Variants in TTLL11 observed in about 807,000 individuals in gnomAD.
TTLL11 encodes tubulin tyrosine ligase like 11, also known as tubulin polyglutamylase TTLL11.
TTLL11 carries 42 observed loss-of-function variants against 51.7 expected under a neutral mutation model. The ratio of observed to expected loss-of-function variants is 0.81; its 90% CI spans 0.64 to 1.05. The LOEUF is 1.05. TTLL11 is among the 50% of genes least tolerant of loss of function. The pLI, the probability that TTLL11 is intolerant of heterozygous loss-of-function variation, is 0.00. For missense variants in TTLL11, 799 were observed against 940.4 expected, an observed-to-expected ratio of 0.85 and a Z score of 1.97; for synonymous variants, 381 against 383.5, an observed-to-expected ratio of 0.99 and a Z score of 0.08.
chr9:121,959,284 G>C (rs776172327), intron 6 of TTLL11, among the ~76,000 whole-genome samples: 2 of 152,038 alleles, frequency 1.3e-5, no homozygotes, highest in Non-Finnish European at 1.5e-5. Context: ...TGTCTAATCC[G>C]CACATGGGGA....
intron 6 of TTLL11, among the ~76,000 whole-genome samples, chr9:121,923,507 C>G (rs1840613694): frequency 6.6e-6 from 1 of 152,092 alleles, no homozygotes; most frequent in African/African-American, 2.4e-5. Flanking sequence ...TGTTCCAAAA[C>G]TGCAAAAAGA....
intron 8 of TTLL11, among the ~76,000 whole-genome samples, chr9:121,828,480 G>C (rs1836894459): frequency 6.6e-6 from 1 of 152,072 alleles, no homozygotes; most frequent in Non-Finnish European, 1.5e-5. Flanking sequence ...TGGCCACACG[G>C]AACTTCATTT....
At chr9:121,894,380 A>C (rs1230908869) in intron 6 of TTLL11, among the ~76,000 whole-genome samples, 1 of 152,234 alleles carries the variant, frequency 6.6e-6, no homozygotes, top group Non-Finnish European at 1.5e-5. Flanking sequence ...TTGATCCAGC[A>C]ATCCCATTAC....
In TTLL11 at chr9:121,853,916, C is replaced by T. The variant is rs1397421445; in HGVS notation, c.1840+6421G>A. Reference sequence around the variant, plus strand: ...GGGTAGGTGCCCCAGAAGCACTTCCCGAGAAAGTAGTGCAGTAGGAGCAAT... The same window carrying T: ...GGGTAGGTGCCCCAGAAGCACTTCCTGAGAAAGTAGTGCAGTAGGAGCAAT... On this transcript the variant is annotated intron_variant, in intron 8 of 8. Coordinates refer to ENST00000321582, the MANE Select transcript of TTLL11 (RefSeq NM_001139442.2). This position sits in a 1 kb window ranked among gnomAD's most constrained non-coding sequence, Gnocchi z 5.6. 2.6e-5 allele frequency among the ~76,000 whole-genome samples: 4 copies of T among 152,290 alleles called. No homozygotes were observed. The highest frequency in any genetic ancestry group is 1.9e-4 in the East Asian group (1 of 5,168).
intron 4 of TTLL11, among the ~76,000 whole-genome samples, chr9:121,976,414 C>T (rs1057126626): frequency 6.6e-5 from 10 of 152,108 alleles, no homozygotes; most frequent in African/African-American, 2.2e-4. Flanking sequence ...CTGATTCAGA[C>T]GACAAGGACT....
rs575884135 is a variant in TTLL11, at chr9:122,036,151, C to T, written c.559+3121G>A. Among the ~76,000 whole-genome samples the T allele has an allele frequency of 1.2e-4, 18 of 152,198 alleles. 1 individual carries two copies. The South Asian group carries it at 3.7e-3, about 32-fold the overall frequency. On this transcript the variant is annotated intron_variant, in intron 2 of 8. Transcript: ENST00000321582. ...AGCATTCCAGCTTCCTCCAGCAAAGCCCCTAGGCTGTATTTTTCTTCTCTC... is the reference window on the plus strand; with the variant it reads ...AGCATTCCAGCTTCCTCCAGCAAAGTCCCTAGGCTGTATTTTTCTTCTCTC...
intron 8 of TTLL11, among the ~76,000 whole-genome samples, chr9:121,835,695 A>T (rs1480050111): frequency 1.3e-5 from 2 of 152,228 alleles, no homozygotes; most frequent in African/African-American, 2.4e-5. Context: ...CATTAATCAC[A>T]GGTCATACTG....
chr9:121,826,539 ATATATATATATGTGTGTG>A lies in TTLL11; in HGVS notation c.1841-3678_1841-3661del, dbSNP rs1564260541. The stretch of plus-strand genomic sequence containing the variant: ...TGTATATATATATATGTGTGTGTGT[ATATATATATATGTGTGTG>A]TATATATATATATATATATATATAT... On this transcript the variant is annotated intron_variant, in intron 8 of 8. Coordinates refer to ENST00000321582, the MANE Select transcript of TTLL11 (RefSeq NM_001139442.2). Among the ~76,000 whole-genome samples, 17 of 52,308 alleles carry A rather than the reference ATATATATATATGTGTGTG, an allele frequency of 3.2e-4. 1 individual carries two copies. The highest frequency in any genetic ancestry group is 1.3e-3 in the South Asian group (2 of 1,506). The allele number at this position is 52,308 out of a possible 152,430, so 34.3% of individuals were successfully genotyped here. A position where few individuals can be genotyped will look rare whatever the true frequency, so the allele number is the denominator to read the frequency against.
At chr9:122,010,706 A>C (rs1003639393) in intron 3 of TTLL11, among the ~76,000 whole-genome samples, 1 of 152,222 alleles carries the variant, frequency 6.6e-6, no homozygotes, top group Non-Finnish European at 1.5e-5. Flanking sequence ...TTCCATGGGC[A>C]TTTGAATATT....
At chr9:121,910,845 A>T (rs1840090648) in intron 6 of TTLL11, among the ~76,000 whole-genome samples, 1 of 152,220 alleles carries the variant, frequency 6.6e-6, no homozygotes, top group Non-Finnish European at 1.5e-5. Flanking sequence ...AATAACAAAA[A>T]GGCAAGTAAC....
chr9:121,907,919 C>G (rs550074362), intron 6 of TTLL11, among the ~76,000 whole-genome samples: 2 of 152,296 alleles, frequency 1.3e-5, no homozygotes, highest in Admixed American at 1.3e-4. Context: ...AGTGACATGG[C>G]CAAGATAAAA....
At position 121,815,871 on chromosome 9, in the gene TTLL11, G is replaced by A. The variant is rs899316589; in HGVS notation, c.*6716C>T. 4 of 152,190 alleles carry A rather than the reference G, an allele frequency of 2.6e-5. No homozygotes were observed. Among genetic ancestry groups the A allele is most frequent in the Non-Finnish European group, 5.9e-5 (4 of 68,038 alleles). 9.4% of individuals were successfully genotyped at this position (152,190 alleles called of 1,614,324 possible). A position where few individuals can be genotyped will look rare whatever the true frequency, so the allele number is the denominator to read the frequency against. ...AAGGCAGAGCTCAGCACAGAGCGGAGGGGGCTGGAGCACGTGGGGCCTCTC... is the reference window on the plus strand; with the variant it reads ...AAGGCAGAGCTCAGCACAGAGCGGAAGGGGCTGGAGCACGTGGGGCCTCTC... On this transcript the variant is annotated 3_prime_UTR_variant, in exon 9 of 9. Transcript: ENST00000321582.
At chr9:121,868,650 G>T (rs1388222357) in intron 7 of TTLL11, among the ~76,000 whole-genome samples, 2 of 152,180 alleles carry the variant, frequency 1.3e-5, no homozygotes, top group African/African-American at 4.8e-5. Flanking sequence ...GGATCATCCT[G>T]TGGAGTCATT....
intron 3 of TTLL11, among the ~76,000 whole-genome samples, chr9:122,023,850 C>T (rs1254703956): frequency 6.6e-6 from 1 of 152,026 alleles, no homozygotes; most frequent in Non-Finnish European, 1.5e-5. Context: ...CAACTAACAA[C>T]AATACTTAAT....
At chr9:121,972,965 C>T (rs893676822) in intron 6 of TTLL11, among the ~76,000 whole-genome samples, 2 of 152,204 alleles carry the variant, frequency 1.3e-5, no homozygotes, top group African/African-American at 4.8e-5. Context: ...CTGACAAGTG[C>T]TTTATTTGTC....
chr9:121,833,003 G>A (rs1837070495), intron 8 of TTLL11, among the ~76,000 whole-genome samples: 1 of 140,144 alleles, frequency 7.1e-6, no homozygotes, highest in African/African-American at 2.8e-5. Context: ...ATTTGACCAA[G>A]TGTTAATTAC....
chr9:122,035,431 T>C (rs923776380), intron 2 of TTLL11, among the ~76,000 whole-genome samples: 5 of 152,212 alleles, frequency 3.3e-5, no homozygotes, highest in African/African-American at 1.2e-4. Context: ...CAAGGCCTGG[T>C]GGGTCTCACC....
chr9:121,935,928 C>G (rs958983948), intron 6 of TTLL11, among the ~76,000 whole-genome samples: 1 of 152,188 alleles, frequency 6.6e-6, no homozygotes, highest in Non-Finnish European at 1.5e-5. Flanking sequence ...CCCGACAGGT[C>G]TCCAGGTACC....
chr9:121,859,207 T>C (rs1043208399), intron 8 of TTLL11, among the ~76,000 whole-genome samples: 1 of 152,046 alleles, frequency 6.6e-6, no homozygotes, highest in Non-Finnish European at 1.5e-5. Context: ...AAACACCCTC[T>C]GGGCTGGGCG....
Sources: gnomAD v4.1 joint callset for allele counts (sites outside exome capture counted in the v4.1 genomes callset) on GRCh38, gnomAD v4.1.1 for gene constraint, Gnocchi (gnomAD v3.1) non-coding constraint, MANE v1.5 for transcripts, NCBI Gene and HGNC (gene_info 2026-07-23, HGNC 2026-07-21) for gene names.